The following DNAJC11 variants were observed in gnomAD, a reference collection of about 807,000 sequenced individuals.
DNAJC11 encodes the protein DnaJ heat shock protein family (Hsp40) member C11.
Under a neutral mutation model 78.6 loss-of-function variants are expected in DNAJC11, and 15 were observed. That is an observed-to-expected ratio of 0.19 (90% confidence interval 0.13 to 0.29). The LOEUF is 0.29. Among genes scored for constraint, DNAJC11 ranks in the 10% least tolerant of loss-of-function variants. The pLI is 1.00. For synonymous variants in DNAJC11, 292 were observed against 272.1 expected, an observed-to-expected ratio of 1.07 and a Z score of -0.72; for missense variants, 547 against 709.6, an observed-to-expected ratio of 0.77 and a Z score of 2.60.
intron 3 of DNAJC11, among the ~76,000 whole-genome samples, chr1:6,673,625 G>A (rs944395531): frequency 6.6e-6 from 1 of 152,128 alleles, no homozygotes; most frequent in African/African-American, 2.4e-5. Context: ...TATAACCATG[G>A]AAGAGCTCTC....
At chr1:6,643,266 C>T (rs1005680370) in intron 10 of DNAJC11, among the ~76,000 whole-genome samples, 4 of 144,514 alleles carry the variant, frequency 2.8e-5, no homozygotes, top group East Asian at 2.0e-4. Context: ...CGGATGCAAG[C>T]GAAAACAGAC....
intron 2 of DNAJC11, among the ~76,000 whole-genome samples, chr1:6,679,249 T>C (rs1413826753): frequency 6.6e-6 from 1 of 152,252 alleles, no homozygotes; most frequent in Non-Finnish European, 1.5e-5. Flanking sequence ...ATTTACTCTA[T>C]AGAGTTCTGT....
At position 6,634,763 on chromosome 1, in the gene DNAJC11, G is replaced by A; in HGVS notation, c.*912C>T. On this transcript the variant is annotated 3_prime_UTR_variant, in exon 16 of 16. Coordinates refer to ENST00000377577, the MANE Select transcript of DNAJC11 (RefSeq NM_018198.4). The stretch of plus-strand genomic sequence containing the variant: ...TCCTGTGAGGACGCTGGACCTGCAG[G>A]AGCGGGGAGCTGCAGTGCCACCTGC... 7.5e-7 allele frequency: 1 copy of A among 1,333,632 alleles called. No individual in the cohort carries two copies. The highest frequency in any genetic ancestry group is 1.2e-5 in the South Asian group (1 of 84,074). 82.6% of individuals were successfully genotyped at this position (1,333,632 alleles called of 1,614,324 possible).
At chr1:6,666,385 CTTTTT>C (rs767579276) in intron 4 of DNAJC11, among the ~76,000 whole-genome samples, 1 of 120,608 alleles carries the variant, frequency 8.3e-6, no homozygotes, top group East Asian at 2.3e-4. Flanking sequence ...TCTTTCTTTT[CTTTTT>C]TTTTTTTTTT....
At chr1:6,687,354 C>CT (rs70981400) in intron 1 of DNAJC11, among the ~76,000 whole-genome samples, 2,884 of 119,022 alleles carry the variant, frequency 0.024, 63 homozygotes, top group South Asian at 0.07. Flanking sequence ...AATACAGTCC[C>CT]TTTTTTTTTT....
chr1:6,644,568 G>A lies in DNAJC11; in HGVS notation c.1087C>T (p.Leu363Phe), dbSNP rs371301179. The change falls in exon 10 of 16, where the codon CTC (leucine) becomes TTC (phenylalanine). Residue 363 changes from leucine to phenylalanine, a missense_variant. Physicochemically the swap from Leu to Phe is conservative, Grantham distance 22. Coordinates refer to ENST00000377577, the MANE Select transcript of DNAJC11 (RefSeq NM_018198.4). ...VSVGVPQGVS[L>F]KVKLNRASQT... The stretch of plus-strand genomic sequence containing the variant: ...CTAAGTTCAACTTACTTGACTTTGA[G>A]AGAAACACCCTGTGGAACTCCAACG... 8.1e-6 allele frequency: 13 copies of A among 1,613,298 alleles called. No homozygotes were observed. The highest frequency in any genetic ancestry group is 1.1e-5 in the Non-Finnish European group (13 of 1,179,334).
At chr1:6,659,981 G>A (rs1374312653) in intron 4 of DNAJC11, among the ~76,000 whole-genome samples, 3 of 149,748 alleles carry the variant, frequency 2.0e-5, no homozygotes, top group African/African-American at 7.4e-5. Flanking sequence ...GCATGAACCC[G>A]GGAGGCGGAG....
At chr1:6,699,151 T>C (rs1446012017) in intron 1 of DNAJC11, among the ~76,000 whole-genome samples, 1 of 151,386 alleles carries the variant, frequency 6.6e-6, no homozygotes, top group Non-Finnish European at 1.5e-5. Context: ...GATACAAAAA[T>C]TAGCTGGGTA....
At chr1:6,666,974 A>C (rs1029592868) in intron 4 of DNAJC11, among the ~76,000 whole-genome samples, 2 of 152,198 alleles carry the variant, frequency 1.3e-5, no homozygotes, top group African/African-American at 4.8e-5. Flanking sequence ...CATTCAGTGC[A>C]ACTGGAATCT....
intron 10 of DNAJC11, among the ~76,000 whole-genome samples, chr1:6,642,190 G>A (rs914569617): frequency 1.3e-5 from 2 of 152,164 alleles, no homozygotes; most frequent in Non-Finnish European, 2.9e-5. Flanking sequence ...GGAGGGCATT[G>A]TAGGCTCCAA....
intron 1 of DNAJC11, among the ~76,000 whole-genome samples, chr1:6,683,750 C>T (rs1642590725): frequency 6.6e-6 from 1 of 152,196 alleles, no homozygotes; most frequent in Non-Finnish European, 1.5e-5. Flanking sequence ...TGAAGCAGTC[C>T]TGCTTGTGAA....
In DNAJC11 at chr1:6,634,845, CTT is replaced by C. The variant is rs1251234825; in HGVS notation, c.*828_*829del. The C allele has an allele frequency of 8.1e-7, 1 of 1,236,544 alleles. No individual in the cohort carries two copies. Among genetic ancestry groups the C allele is most frequent in the East Asian group, 5.7e-5 (1 of 17,450 alleles). The allele number at this position is 1,236,544 out of a possible 1,614,324, so 76.6% of individuals were successfully genotyped here. A position where few individuals can be genotyped will look rare whatever the true frequency, so the allele number is the denominator to read the frequency against. Reference sequence around the variant, plus strand: ...CCTTTGGGTTGGGTGTGTCTGATGTCTTGCCAAGCGCCTGGTCCTGTCCTCTT... The same window carrying C: ...CCTTTGGGTTGGGTGTGTCTGATGTCGCCAAGCGCCTGGTCCTGTCCTCTT... On this transcript the variant is annotated 3_prime_UTR_variant, in exon 16 of 16. Coordinates refer to ENST00000377577, the MANE Select transcript of DNAJC11 (RefSeq NM_018198.4).
At chr1:6,657,201 C>T (rs572129627) in intron 4 of DNAJC11, among the ~76,000 whole-genome samples, 8 of 152,100 alleles carry the variant, frequency 5.3e-5, no homozygotes, top group East Asian at 3.9e-4. Flanking sequence ...GACCAGCTCA[C>T]GAGAAGCCTT....
intron 12 of DNAJC11, chr1:6,637,712 T>G: frequency 1.6e-6 from 1 of 614,180 alleles, no homozygotes; most frequent in Non-Finnish European, 2.9e-6. Flanking sequence ...GGTCAGAAGG[T>G]GAGAAGCACC....
chr1:6,685,169 A>G (rs1039748540), intron 1 of DNAJC11, among the ~76,000 whole-genome samples: 1 of 152,226 alleles, frequency 6.6e-6, no homozygotes, highest in African/African-American at 2.4e-5. Context: ...CTAAGGCAAA[A>G]TAAGCTAAAA....
rs1041428605 is a variant in DNAJC11 at position 6,635,525 on chromosome 1, A to G, written c.*150T>C. 10 of 852,826 alleles carry G rather than the reference A, an allele frequency of 1.2e-5. No individual in the cohort carries two copies. Among genetic ancestry groups the G allele is most frequent in the Non-Finnish European group, 3.6e-6 (2 of 552,474 alleles). 52.8% of individuals were successfully genotyped at this position (852,826 alleles called of 1,614,324 possible). ...CACCCTCAAAAGCTGGGGTGTCTGC[A>G]TGTCCCTTCACATAATTGATAATGG... is the stretch of plus-strand genomic sequence containing the variant. On this transcript the variant is annotated 3_prime_UTR_variant, in exon 16 of 16. Transcript: ENST00000377577.
intron 1 of DNAJC11, among the ~76,000 whole-genome samples, chr1:6,698,040 T>C (rs1642865952): frequency 6.6e-6 from 1 of 152,228 alleles, no homozygotes; most frequent in Admixed American, 6.5e-5. Context: ...TCCGCCCGTC[T>C]TGGCCTCCCA....
chr1:6,642,962 G>A (rs544516343), intron 10 of DNAJC11, among the ~76,000 whole-genome samples: 1 of 152,294 alleles, frequency 6.6e-6, no homozygotes, highest in South Asian at 2.1e-4. Context: ...AGAGAGAAGG[G>A]CTGTGCCCTG....
chr1:6,701,688 G>A (rs1282576812), intron 1 of DNAJC11, 41 bp downstream of exon 1: 3 of 1,499,658 alleles, frequency 2.0e-6, no homozygotes, highest in Non-Finnish European at 2.7e-6. Flanking sequence ...GAACGACCGG[G>A]CTCGGCCTCA....
Sources: allele counts gnomAD v4.1 joint callset (sites outside exome capture counted in the v4.1 genomes callset), GRCh38; gene constraint gnomAD v4.1.1; transcripts MANE v1.5; gene names NCBI Gene and HGNC (gene_info 2026-07-23, HGNC 2026-07-21).